ENPP6: variants seen among roughly 807,000 people sequenced by gnomAD.
ENPP6 encodes glycerophosphocholine cholinephosphodiesterase ENPP6.
Under a neutral mutation model 42.0 loss-of-function variants are expected in ENPP6, and 32 were observed. That is an observed-to-expected ratio of 0.76 (90% CI 0.58 to 1.02). The LOEUF is 1.02. ENPP6 is among the 50% of genes least tolerant of loss of function. ENPP6 has a pLI of 0.00. For synonymous variants in ENPP6, 213 were observed against 216.0 expected (o/e 0.99, Z 0.12); for missense variants, 552 against 566.8 (o/e 0.97, Z 0.27).
chr4:184,103,322 G>A (rs558793624), intron 6 of ENPP6, among the ~76,000 whole-genome samples: 1 of 152,330 alleles, frequency 6.6e-6, no homozygotes, highest in African/African-American at 2.4e-5. Context: ...TCTCCCTTGA[G>A]GCATCACAAC....
At chr4:184,110,394 C>T in intron 6 of ENPP6, among the ~76,000 whole-genome samples, 1 of 152,210 alleles carries the variant, frequency 6.6e-6, no homozygotes, top group Non-Finnish European at 1.5e-5. Flanking sequence ...AGCAGATTTA[C>T]AGCTTATGCA....
At chr4:184,107,749 A>G (rs1011182695) in intron 6 of ENPP6, among the ~76,000 whole-genome samples, 42 of 152,090 alleles carry the variant, frequency 2.8e-4, no homozygotes, top group Non-Finnish European at 5.9e-4. Context: ...CCTCGTCTCT[A>G]CTAAAAATAC....
chr4:184,154,044 T>C (rs770409443), intron 1 of ENPP6, among the ~76,000 whole-genome samples: 2 of 152,168 alleles, frequency 1.3e-5, no homozygotes, highest in Non-Finnish European at 1.5e-5. Context: ...TGAATTAGCA[T>C]GGACATCTGT....
chr4:184,189,871 A>C (rs929560666), intron 1 of ENPP6, among the ~76,000 whole-genome samples: 4 of 152,234 alleles, frequency 2.6e-5, no homozygotes, highest in Admixed American at 6.5e-5. Context: ...GCCAGAGCCC[A>C]GGATCAGCAT....
chr4:184,172,365 C>T (rs1737484012), intron 1 of ENPP6, among the ~76,000 whole-genome samples: 1 of 152,124 alleles, frequency 6.6e-6, no homozygotes, highest in African/African-American at 2.4e-5. Flanking sequence ...CAACACCTGC[C>T]TCCTGAAGAG....
At chr4:184,103,062 C>A (rs1482243800) in intron 6 of ENPP6, among the ~76,000 whole-genome samples, 3 of 152,226 alleles carry the variant, frequency 2.0e-5, no homozygotes, top group Non-Finnish European at 2.9e-5. Flanking sequence ...GCAACACGGG[C>A]CTCCCTCTTA....
At chr4:184,111,160 C>G (rs1736190253) in intron 6 of ENPP6, among the ~76,000 whole-genome samples, 1 of 152,150 alleles carries the variant, frequency 6.6e-6, no homozygotes, top group African/African-American at 2.4e-5. Context: ...CTTATACTCT[C>G]CCTCCCTACC....
chr4:184,133,353 A>G (rs959029484), intron 2 of ENPP6, among the ~76,000 whole-genome samples: 1 of 152,124 alleles, frequency 6.6e-6, no homozygotes, highest in African/African-American at 2.4e-5. Context: ...AGCCATTTTT[A>G]TTAGATTTAT....
intron 1 of ENPP6, among the ~76,000 whole-genome samples, chr4:184,169,927 G>A (rs1737433781): frequency 6.6e-6 from 1 of 152,122 alleles, no homozygotes; most frequent in Admixed American, 6.6e-5. Flanking sequence ...CCCCACACTG[G>A]AATATTTTTA....
At chr4:184,097,880 C>T (rs1384103242) in intron 6 of ENPP6, among the ~76,000 whole-genome samples, 1 of 151,960 alleles carries the variant, frequency 6.6e-6, no homozygotes, top group Non-Finnish European at 1.5e-5. Context: ...GACTGGCCAC[C>T]AGAGGAACCA....
chr4:184,129,533 G>C (rs1422885148), intron 2 of ENPP6, among the ~76,000 whole-genome samples: 1 of 152,144 alleles, frequency 6.6e-6, no homozygotes, highest in Non-Finnish European at 1.5e-5. Flanking sequence ...GTTACCCATT[G>C]AGACTAAGGT....
intron 1 of ENPP6, among the ~76,000 whole-genome samples, chr4:184,155,231 G>A (rs1737138513): frequency 6.6e-6 from 1 of 152,212 alleles, no homozygotes; most frequent in African/African-American, 2.4e-5. Flanking sequence ...TTTAGTATAT[G>A]AAAGTTGAAT....
chr4:184,203,198 C>T (rs983361928), intron 1 of ENPP6, among the ~76,000 whole-genome samples: 2 of 152,196 alleles, frequency 1.3e-5, no homozygotes, highest in Non-Finnish European at 2.9e-5. Flanking sequence ...TTGCAGTGAG[C>T]TGAGATCGTG....
At chr4:184,133,439 A>G (rs969148278) in intron 2 of ENPP6, among the ~76,000 whole-genome samples, 2 of 152,144 alleles carry the variant, frequency 1.3e-5, no homozygotes, top group African/African-American at 4.8e-5. Context: ...TTCTGTTGAT[A>G]CCAATACAAT....
intron 2 of ENPP6, among the ~76,000 whole-genome samples, chr4:184,131,710 T>C (rs895529595): frequency 6.6e-6 from 1 of 151,724 alleles, no homozygotes; most frequent in African/African-American, 2.4e-5. Flanking sequence ...TCATCAACAC[T>C]TGGATTTGTT....
At chr4:184,198,626 C>T (rs940051240) in intron 1 of ENPP6, among the ~76,000 whole-genome samples, 2 of 152,132 alleles carry the variant, frequency 1.3e-5, no homozygotes, top group Non-Finnish European at 2.9e-5. Context: ...TGCTTTAGGT[C>T]CACTAGATTG....
intron 1 of ENPP6, among the ~76,000 whole-genome samples, chr4:184,168,788 G>A (rs1737405306): frequency 6.6e-6 from 1 of 152,234 alleles, no homozygotes; most frequent in African/African-American, 2.4e-5. Context: ...CAGAGCCCGG[G>A]CAGGGCCGGC....
intron 2 of ENPP6, among the ~76,000 whole-genome samples, chr4:184,137,340 ACCTGCCTCAGCC>A (rs1314159976): frequency 6.6e-6 from 1 of 152,100 alleles, no homozygotes; most frequent in Non-Finnish European, 1.5e-5. Context: ...CAAGCAATCC[ACCTGCCTCAGCC>A]TCCCAGAGTG....
intron 2 of ENPP6, among the ~76,000 whole-genome samples, chr4:184,138,849 C>T (rs1018962595): frequency 3.9e-5 from 6 of 152,204 alleles, no homozygotes; most frequent in Non-Finnish European, 5.9e-5. Flanking sequence ...AAGGGATTCT[C>T]TTCAAGGTTA....
Sources: gnomAD v4.1 joint callset for allele counts (sites outside exome capture counted in the v4.1 genomes callset) on GRCh38, gnomAD v4.1.1 for gene constraint, MANE v1.5 for transcripts, NCBI Gene and HGNC (gene_info 2026-07-23, HGNC 2026-07-21) for gene names.